GABRB3: variants seen among roughly 807,000 people sequenced by gnomAD.
GABRB3 encodes the protein gamma-aminobutyric acid receptor subunit beta-3.
A neutral mutation model predicts 52.1 loss-of-function variants in GABRB3; 14 were observed. That is an observed-to-expected ratio of 0.27 (90% CI 0.18 to 0.42). GABRB3 has a LOEUF of 0.42. Ranked by LOEUF, GABRB3 falls within the 10% of genes least tolerant of loss-of-function variation. The probability of loss-of-function intolerance (pLI) is 1.00; values close to 1 mark genes in which losing one functional copy is unlikely to be tolerated. For synonymous variants in GABRB3, 260 were observed against 232.3 expected (o/e 1.12, Z -1.08); for missense variants, 307 against 609.1 (o/e 0.50, Z 5.22).
At chr15:26,629,042 G>A (rs924150141) in intron 3 of GABRB3, 2 of 1,536,148 alleles carry the variant, frequency 1.3e-6, no homozygotes, top group African/African-American at 1.4e-5. Context: ...CGGTGCTGAG[G>A]TCCCAAAGAC....
At chr15:26,748,091 T>A (rs1204021782) in intron 3 of GABRB3, among the ~76,000 whole-genome samples, 5 of 151,684 alleles carry the variant, frequency 3.3e-5, no homozygotes, top group Non-Finnish European at 7.4e-5. Context: ...TGGCATATAA[T>A]TCCTCTAAGA....
chr15:26,763,374 C>G (rs138440926), intron 3 of GABRB3, among the ~76,000 whole-genome samples: 178 of 152,170 alleles, frequency 1.2e-3, no homozygotes, highest in African/African-American at 3.8e-3. Context: ...AAAGATACAC[C>G]TTTACTGCAA....
At chr15:26,556,349 A>G (rs1045672713) in intron 8 of GABRB3, among the ~76,000 whole-genome samples, 4 of 152,224 alleles carry the variant, frequency 2.6e-5, no homozygotes, top group Non-Finnish European at 5.9e-5. Context: ...GCTTCTAGTT[A>G]AGTAAAATAC....
chr15:26,607,490 T>G (rs1238009317), intron 4 of GABRB3, among the ~76,000 whole-genome samples: 1 of 152,090 alleles, frequency 6.6e-6, no homozygotes, highest in Admixed American at 6.6e-5. Flanking sequence ...GCAGATCCTG[T>G]GTGCCCAGGA....
At chr15:26,704,551 A>G (rs544256487) in intron 3 of GABRB3, among the ~76,000 whole-genome samples, 1 of 152,266 alleles carries the variant, frequency 6.6e-6, no homozygotes, top group East Asian at 1.9e-4. Flanking sequence ...AAATCTCTAC[A>G]TTGTCCTTCC....
chr15:26,701,181 T>A (rs1477011926), intron 3 of GABRB3, among the ~76,000 whole-genome samples: 1 of 152,206 alleles, frequency 6.6e-6, no homozygotes, highest in Non-Finnish European at 1.5e-5. Context: ...CTGCTTTCCT[T>A]CTAAATCAGG....
chr15:26,685,636 T>C (rs1472221256), intron 3 of GABRB3, among the ~76,000 whole-genome samples: 1 of 152,136 alleles, frequency 6.6e-6, no homozygotes, highest in Non-Finnish European at 1.5e-5. Context: ...GATTCAAGAA[T>C]ACTTTCAATA....
intron 3 of GABRB3, among the ~76,000 whole-genome samples, chr15:26,728,155 G>C (rs1889821109): frequency 6.6e-6 from 1 of 152,082 alleles, no homozygotes; most frequent in Admixed American, 6.5e-5. Context: ...AACAACTGAG[G>C]GATTCTCTGT....
chr15:26,571,546 A>T (rs1890396821), intron 6 of GABRB3, among the ~76,000 whole-genome samples: 1 of 152,166 alleles, frequency 6.6e-6, no homozygotes. Context: ...ACTTTCTTAA[A>T]CATTTTCCAA....
At position 26,710,835 on chromosome 15, in the gene GABRB3, T is replaced by C. The variant is rs150945620; in HGVS notation, c.240+61567A>G. On this transcript the variant is annotated intron_variant, in intron 3 of 8. Transcript: ENST00000311550. The stretch of plus-strand genomic sequence containing the variant: ...CTATATACTGGACAGATATGTACTT[T>C]AAAAATATTTTCTCCCAGTTAGTGG... Among the ~76,000 whole-genome samples the C allele has an allele frequency of 8.7e-4, 132 of 152,294 alleles. 2 individuals are homozygous for C. The East Asian group carries it at 0.025, about 29-fold the overall frequency.
chr15:26,714,568 A>G (rs909251821), intron 3 of GABRB3, among the ~76,000 whole-genome samples: 3 of 152,210 alleles, frequency 2.0e-5, no homozygotes, highest in African/African-American at 7.2e-5. Context: ...TCATAGGTAG[A>G]TAAGAGACAA....
At chr15:26,727,310 C>T (rs2140146429) in intron 3 of GABRB3, among the ~76,000 whole-genome samples, 1 of 152,270 alleles carries the variant, frequency 6.6e-6, no homozygotes, top group East Asian at 1.9e-4. Context: ...TAGGTATTTA[C>T]TTATGTATAT....
chr15:26,723,096 G>A (rs536446924), intron 3 of GABRB3, among the ~76,000 whole-genome samples: 1 of 152,248 alleles, frequency 6.6e-6, no homozygotes, highest in Admixed American at 6.5e-5. Flanking sequence ...ATCATGGTAA[G>A]CACATTAATA....
At chr15:26,677,152 A>T (rs895934119) in intron 3 of GABRB3, among the ~76,000 whole-genome samples, 2 of 152,194 alleles carry the variant, frequency 1.3e-5, no homozygotes, top group Non-Finnish European at 2.9e-5. Flanking sequence ...CTGAAATTTA[A>T]GTCCTTTAGA....
At chr15:26,703,617 T>A (rs1889006058) in intron 3 of GABRB3, among the ~76,000 whole-genome samples, 1 of 152,172 alleles carries the variant, frequency 6.6e-6, no homozygotes, top group Admixed American at 6.5e-5. Context: ...GTAGAATTCA[T>A]CCCAAGGCAA....
intron 3 of GABRB3, among the ~76,000 whole-genome samples, chr15:26,742,205 C>G (rs973938770): frequency 6.6e-6 from 1 of 152,074 alleles, no homozygotes; most frequent in African/African-American, 2.4e-5. Context: ...ATCCATGTAT[C>G]TCTTAGAGTT....
At chr15:26,740,047 T>C (rs1177258971) in intron 3 of GABRB3, among the ~76,000 whole-genome samples, 2 of 152,124 alleles carry the variant, frequency 1.3e-5, no homozygotes, top group African/African-American at 4.8e-5. Flanking sequence ...GTCAACAAAA[T>C]GATCTTCCTC....
intron 3 of GABRB3, among the ~76,000 whole-genome samples, chr15:26,758,448 A>C (rs1387043428): frequency 6.6e-6 from 1 of 152,248 alleles, no homozygotes; most frequent in Non-Finnish European, 1.5e-5. Context: ...AAGAGAAAAA[A>C]TACTGAGCCA....
intron 3 of GABRB3, among the ~76,000 whole-genome samples, chr15:26,729,425 C>T (rs924353713): frequency 1.2e-4 from 19 of 152,114 alleles, no homozygotes; most frequent in Admixed American, 3.9e-4. Flanking sequence ...ACTGATCCAG[C>T]CACTGACTGC....
Sources: allele counts gnomAD v4.1 joint callset (sites outside exome capture counted in the v4.1 genomes callset), GRCh38; gene constraint gnomAD v4.1.1; transcripts MANE v1.5; gene names NCBI Gene and HGNC (gene_info 2026-07-23, HGNC 2026-07-21).